RAE1: variants seen among roughly 807,000 people sequenced by gnomAD.
RAE1 encodes mRNA export factor RAE1.
A neutral mutation model predicts 52.7 loss-of-function variants in RAE1; 13 were observed. The ratio of observed to expected loss-of-function variants is 0.25; its 90% CI spans 0.16 to 0.39. RAE1 has a LOEUF of 0.39. Among genes scored for constraint, RAE1 ranks in the 10% least tolerant of loss-of-function variants. The probability of loss-of-function intolerance (pLI) is 1.00; values close to 1 mark genes in which losing one functional copy is unlikely to be tolerated. For missense variants in RAE1, 262 were observed against 459.8 expected, an observed-to-expected ratio of 0.57 and a Z score of 3.93; for synonymous variants, 164 against 153.1, an observed-to-expected ratio of 1.07 and a Z score of -0.52.
intron 2 of RAE1, 94 bp downstream of exon 2, chr20:57,354,222 T>C (rs2066751489): frequency 1.9e-6 from 2 of 1,068,060 alleles, no homozygotes; most frequent in Admixed American, 2.2e-5. Context: ...GAGCCTCCTT[T>C]AGGCTGAAAG....
chr20:57,355,985 AAG>A (rs1351065571), intron 3 of RAE1, among the ~76,000 whole-genome samples: 2 of 152,244 alleles, frequency 1.3e-5, no homozygotes, highest in African/African-American at 4.8e-5. Context: ...AAAGAAGACT[AAG>A]AGCACACAGA....
Position 57,378,243 on chromosome 20 carries a change from T to C in RAE1, c.*144T>C. The C allele has an allele frequency of 1.5e-6, 1 of 687,934 alleles. No homozygotes were observed. Among genetic ancestry groups the C allele is most frequent in the Non-Finnish European group, 2.4e-6 (1 of 423,352 alleles). 42.6% of individuals were successfully genotyped at this position (687,934 alleles called of 1,614,324 possible). A position where few individuals can be genotyped will look rare whatever the true frequency, so the allele number is the denominator to read the frequency against. On this transcript the variant is annotated 3_prime_UTR_variant, in exon 12 of 12. Transcript: ENST00000395841. ...GAAAACGATGTCATTGTTCAGCAGC[T>C]GAGAGCCCAGGCGTCCGCGGCGACT...
At chr20:57,360,900 T>C (rs1030599704) in intron 4 of RAE1, among the ~76,000 whole-genome samples, 1 of 152,186 alleles carries the variant, frequency 6.6e-6, no homozygotes, top group Non-Finnish European at 1.5e-5. Flanking sequence ...TTGATCCGGG[T>C]GATCTAGAGG....
intron 8 of RAE1, among the ~76,000 whole-genome samples, chr20:57,369,798 GAT>G (rs2067008683): frequency 6.6e-6 from 1 of 152,154 alleles, no homozygotes; most frequent in Non-Finnish European, 1.5e-5. Flanking sequence ...CAGCCAATCA[GAT>G]CAGCTCTTGC....
intron 8 of RAE1, chr20:57,371,314 T>G (rs2067032460): frequency 6.6e-6 from 1 of 152,198 alleles, no homozygotes; most frequent in African/African-American, 2.4e-5. Flanking sequence ...TGGAGGCTAT[T>G]TCTGACAAGG....
rs986290555 is a variant in RAE1 at position 57,378,464 on chromosome 20, G to A, written c.*365G>A. The A allele has an allele frequency of 5.4e-6, 1 of 185,980 alleles. No individual in the cohort carries two copies. The highest frequency in any genetic ancestry group is 1.1e-5 in the Non-Finnish European group (1 of 90,082). The allele number at this position is 185,980 out of a possible 1,614,324, so 11.5% of individuals were successfully genotyped here. A position where few individuals can be genotyped will look rare whatever the true frequency, so the allele number is the denominator to read the frequency against. ...AAGTCTTTTGCAGATTGCTTCCCGAGCTTCCTTTGTCCTTTTCTCCCCTTG... is the reference window on the plus strand; with the variant it reads ...AAGTCTTTTGCAGATTGCTTCCCGAACTTCCTTTGTCCTTTTCTCCCCTTG... On this transcript the variant is annotated 3_prime_UTR_variant, in exon 12 of 12. Coordinates refer to ENST00000395841, the MANE Select transcript of RAE1 (RefSeq NM_003610.4).
chr20:57,377,614 T>C (rs139014375), intron 11 of RAE1, among the ~76,000 whole-genome samples: 17 of 152,352 alleles, frequency 1.1e-4, no homozygotes, highest in African/African-American at 4.1e-4. Flanking sequence ...CGGGGTGTCC[T>C]CCTTCATCCC....
chr20:57,359,125 G>A, intron 4 of RAE1: 1 of 922,440 alleles, frequency 1.1e-6, no homozygotes, highest in Non-Finnish European at 1.5e-6. Context: ...ATGTCACTGG[G>A]CAGATAGTGC....
At chr20:57,369,238 G>T (rs1364042221) in intron 8 of RAE1, among the ~76,000 whole-genome samples, 1 of 152,242 alleles carries the variant, frequency 6.6e-6, no homozygotes, top group Non-Finnish European at 1.5e-5. Context: ...AAAGAAGGGG[G>T]CTCAGGGCAT....
chr20:57,374,173 C>G (rs1051969163), intron 10 of RAE1, among the ~76,000 whole-genome samples: 3 of 152,220 alleles, frequency 2.0e-5, no homozygotes, highest in African/African-American at 7.2e-5. Context: ...AGCCACCGCA[C>G]TTGGCCTTGT....
rs1044256986 is a variant in RAE1, at chr20:57,369,476, C to T, written c.642+664C>T. 7.2e-5 allele frequency among the ~76,000 whole-genome samples: 11 copies of T among 152,264 alleles called. No individual in the cohort carries two copies. The South Asian group carries it at 8.3e-4, about 11-fold the overall frequency. ...GGAGAAAGCCTGGCTGCATCAATGCCGATTTTCTCTGCAGATGCAGATCTC... is the reference window on the plus strand; with the variant it reads ...GGAGAAAGCCTGGCTGCATCAATGCTGATTTTCTCTGCAGATGCAGATCTC... On this transcript the variant is annotated intron_variant, in intron 8 of 11. Coordinates refer to ENST00000395841, the MANE Select transcript of RAE1 (RefSeq NM_003610.4).
At chr20:57,371,777 C>A (rs906497245) in intron 8 of RAE1, 35 of 152,216 alleles carry the variant, frequency 2.3e-4, no homozygotes, top group African/African-American at 8.2e-4. Context: ...CAGCACTGTT[C>A]ACAATAGCCA....
chr20:57,360,999 G>C (rs552313978), intron 4 of RAE1, among the ~76,000 whole-genome samples: 1 of 152,136 alleles, frequency 6.6e-6, no homozygotes, highest in African/African-American at 2.4e-5. Context: ...ATAAGGTTTT[G>C]TGGACCCATC....
intron 8 of RAE1, 25 bp from the exon 9 acceptor site, chr20:57,373,450 T>G: frequency 6.3e-7 from 1 of 1,589,492 alleles, no homozygotes; most frequent in Non-Finnish European, 8.6e-7. Context: ...GCTGTGATTA[T>G]GTCTCTTTTT....
At chr20:57,361,386 G>C (rs2066890327) in intron 4 of RAE1, among the ~76,000 whole-genome samples, 1 of 152,120 alleles carries the variant, frequency 6.6e-6, no homozygotes, top group Non-Finnish European at 1.5e-5. Context: ...GTAGCTGTTG[G>C]GGTGTTCGTG....
chr20:57,352,187 C>A (rs1217828684), intron 1 of RAE1, among the ~76,000 whole-genome samples: 1 of 152,184 alleles, frequency 6.6e-6, no homozygotes, highest in Admixed American at 6.5e-5. Flanking sequence ...TAATTTCAAC[C>A]ATTGAAAGTG....
chr20:57,367,755 AAAGG>A (rs1206088319), intron 7 of RAE1, among the ~76,000 whole-genome samples: 2 of 151,846 alleles, frequency 1.3e-5, no homozygotes, highest in Non-Finnish European at 1.5e-5. Context: ...AAAAAAAAAA[AAAGG>A]AAAGAAAAAG....
intron 4 of RAE1, chr20:57,357,661 G>A (rs2066811798): frequency 6.6e-6 from 1 of 152,180 alleles, no homozygotes; most frequent in African/African-American, 2.4e-5. Context: ...TAGGAAAATA[G>A]TAGTAGTTAG....
At chr20:57,367,656 C>T (rs1340541525) in intron 7 of RAE1, among the ~76,000 whole-genome samples, 1 of 149,218 alleles carries the variant, frequency 6.7e-6, no homozygotes, top group Non-Finnish European at 1.5e-5. Context: ...ATGAGAATTG[C>T]TTGAACCCAG....
Sources: gnomAD v4.1 joint callset for allele counts (sites outside exome capture counted in the v4.1 genomes callset) on GRCh38, gnomAD v4.1.1 for gene constraint, MANE v1.5 for transcripts, NCBI Gene and HGNC (gene_info 2026-07-23, HGNC 2026-07-21) for gene names.